UBE2O: variants seen among roughly 807,000 people sequenced by gnomAD.
The protein encoded by UBE2O is (E3-independent) E2 ubiquitin-conjugating enzyme.
In UBE2O, 15 loss-of-function variants were observed where a neutral mutation model predicts 125.8. The ratio of observed to expected loss-of-function variants is 0.12; its 90% confidence interval spans 0.08 to 0.18. The LOEUF is 0.18. Among genes scored for constraint, UBE2O ranks in the 10% least tolerant of loss-of-function variants. The probability of loss-of-function intolerance (pLI) is 1.00; values close to 1 mark genes in which losing one functional copy is unlikely to be tolerated. For missense variants in UBE2O, 1,280 were observed against 1,723.6 expected (o/e 0.74, Z 4.56); for synonymous variants, 708 against 703.2 (o/e 1.01, Z -0.11).
chr17:76,426,298 G>A (rs1392988381), intron 1 of UBE2O, among the ~76,000 whole-genome samples: 2 of 152,190 alleles, frequency 1.3e-5, no homozygotes, highest in East Asian at 3.8e-4. Flanking sequence ...ACCATGCCCA[G>A]CCAAAAGAAC....
intron 1 of UBE2O, among the ~76,000 whole-genome samples, chr17:76,448,909 G>A (rs1356009069): frequency 6.6e-6 from 1 of 152,256 alleles, no homozygotes; most frequent in African/African-American, 2.4e-5. Context: ...TGGCCAGATG[G>A]ACAGTTTCAA....
chr17:76,446,217 T>C (rs574495109), intron 1 of UBE2O, among the ~76,000 whole-genome samples: 151 of 152,294 alleles, frequency 9.9e-4, no homozygotes, highest in Non-Finnish European at 1.5e-3. Flanking sequence ...AAAACCCACA[T>C]GTCACAGAAA....
chr17:76,422,218 A>C (rs926751713), intron 1 of UBE2O, among the ~76,000 whole-genome samples: 4 of 152,176 alleles, frequency 2.6e-5, no homozygotes, highest in South Asian at 2.1e-4. Flanking sequence ...ACTCATTCAC[A>C]GCCTGAGTGG....
intron 1 of UBE2O, among the ~76,000 whole-genome samples, chr17:76,423,896 CTTTTTTT>C (rs746126675): frequency 2.3e-4 from 19 of 83,506 alleles, no homozygotes; most frequent in Admixed American, 1.1e-3. Context: ...AGGTTGGGTT[CTTTTTTT>C]TTTTTTTTTT....
intron 1 of UBE2O, among the ~76,000 whole-genome samples, chr17:76,437,207 T>C (rs1382539150): frequency 6.6e-6 from 1 of 150,580 alleles, no homozygotes; most frequent in East Asian, 1.9e-4. Context: ...TCCCAGCACT[T>C]TGGGAGGCCA....
In UBE2O at chr17:76,405,561, C is replaced by T; in HGVS notation, c.429G>A (p.Glu143=). 2 of 1,594,500 alleles carry T rather than the reference C, an allele frequency of 1.3e-6. No homozygotes were observed. The highest frequency in any genetic ancestry group is 1.7e-6 in the Non-Finnish European group (2 of 1,172,222). The part of the protein sequence containing the change: ...QHVKETKLKL[E]DRSVVPRDVV... Reference sequence around the variant, plus strand: ...CATCTCGGGGCACCACAGAACGGTCCTCTAGTTTCAGCTGTAAAAGAAAAT... The same window carrying T: ...CATCTCGGGGCACCACAGAACGGTCTTCTAGTTTCAGCTGTAAAAGAAAAT... Residue 143 remains glutamate, a synonymous_variant, in exon 2 of 18, where the codon GAG becomes GAA. Coordinates refer to ENST00000319380, the MANE Select transcript of UBE2O (RefSeq NM_022066.4). This position sits in a 1 kb window ranked among gnomAD's most constrained non-coding sequence, Gnocchi z 6.1.
At chr17:76,432,380 C>T (rs1344338986) in intron 1 of UBE2O, among the ~76,000 whole-genome samples, 1 of 152,106 alleles carries the variant, frequency 6.6e-6, no homozygotes, top group South Asian at 2.1e-4. Context: ...GTATGGTCTC[C>T]GCCTTAGAAA....
At chr17:76,441,938 G>T (rs2073080713) in intron 1 of UBE2O, among the ~76,000 whole-genome samples, 1 of 152,254 alleles carries the variant, frequency 6.6e-6, no homozygotes, top group South Asian at 2.1e-4. Flanking sequence ...CTGCGTTCCT[G>T]ATTCATTTGC....
chr17:76,432,281 T>C (rs1550767), intron 1 of UBE2O, among the ~76,000 whole-genome samples: 146,790 of 152,260 alleles, frequency 0.96, 71,030 homozygotes, highest in Middle Eastern at 1. Context: ...TATCAAAGTA[T>C]GTTCCTGTCA....
At chr17:76,418,818 G>T (rs532484520) in intron 1 of UBE2O, among the ~76,000 whole-genome samples, 1 of 152,076 alleles carries the variant, frequency 6.6e-6, no homozygotes, top group Non-Finnish European at 1.5e-5. Context: ...ATCCACCCGC[G>T]TCGGCCTCCC....
At chr17:76,418,631 G>A (rs1228637389) in intron 1 of UBE2O, among the ~76,000 whole-genome samples, 8 of 151,134 alleles carry the variant, frequency 5.3e-5, no homozygotes, top group South Asian at 2.1e-4. Flanking sequence ...GTGCAGTGGC[G>A]CGATCTCGGC....
chr17:76,394,362 TC>T (rs1230232760), intron 15 of UBE2O, among the ~76,000 whole-genome samples: 1 of 152,164 alleles, frequency 6.6e-6, no homozygotes, highest in African/African-American at 2.4e-5. Flanking sequence ...GCTTGCCTGT[TC>T]CGGAAGGATG....
At chr17:76,431,819 T>C (rs1000268942) in intron 1 of UBE2O, among the ~76,000 whole-genome samples, 26 of 152,126 alleles carry the variant, frequency 1.7e-4, no homozygotes, top group Non-Finnish European at 3.5e-4. Context: ...ACAGCTCCAT[T>C]AGAAACTCCC....
At position 76,391,710 on chromosome 17, in the gene UBE2O, C is replaced by T; in HGVS notation, c.3208+46G>A. On this transcript the variant is annotated intron_variant, in intron 17 of 17. Coordinates refer to ENST00000319380, the MANE Select transcript of UBE2O (RefSeq NM_022066.4). The surrounding 1 kb of genome is among the most constrained non-coding windows in gnomAD (Gnocchi z 8.4). ...GGGGGACTATCAGAGTCACTTTCCT[C>T]CACCGGCCCTCCCTTGTCCGCACCC... 1 of 1,610,830 alleles carries T rather than the reference C, an allele frequency of 6.2e-7. No individual in the cohort carries two copies. Among genetic ancestry groups the T allele is most frequent in the African/African-American group, 1.3e-5 (1 of 75,006 alleles).
At chr17:76,427,019 G>A (rs138988964) in intron 1 of UBE2O, among the ~76,000 whole-genome samples, 3 of 152,132 alleles carry the variant, frequency 2.0e-5, no homozygotes, top group African/African-American at 7.2e-5. Context: ...TTAGCACACT[G>A]AAGATTTTAC....
At chr17:76,450,154 G>A (rs1480278147) in intron 1 of UBE2O, among the ~76,000 whole-genome samples, 1 of 151,614 alleles carries the variant, frequency 6.6e-6, no homozygotes, top group Non-Finnish European at 1.5e-5. Context: ...AACTAGATTA[G>A]TCAATCTTGG....
chr17:76,402,027 A>G lies in UBE2O; in HGVS notation c.750+37T>C, dbSNP rs751819366. 1 of 1,608,080 alleles carries G rather than the reference A, an allele frequency of 6.2e-7. No homozygotes were observed. Among genetic ancestry groups the G allele is most frequent in the Non-Finnish European group, 8.5e-7 (1 of 1,177,088 alleles). On this transcript the variant is annotated intron_variant, in intron 5 of 17. Transcript: ENST00000319380. The surrounding 1 kb of genome is among the most constrained non-coding windows in gnomAD (Gnocchi z 5.4). ...AGTCCTCCTTCCAGAGGACTGAGCA[A>G]TCAGAGAAGGGTGCTGGCCTGGATG... is the stretch of plus-strand genomic sequence containing the variant.
In UBE2O at chr17:76,399,040, C is replaced by T. The variant is rs767084001; in HGVS notation, c.1629-49G>A. 2.2e-5 allele frequency: 35 copies of T among 1,597,544 alleles called. No homozygotes were observed. Among genetic ancestry groups the T allele is most frequent in the Non-Finnish European group, 2.8e-5 (33 of 1,173,002 alleles). The stretch of plus-strand genomic sequence containing the variant: ...GGCCATGCAAACCCCACCCCCTCCG[C>T]GGAAAGGGCAGAGAGTCTTTCTGTC... On this transcript the variant is annotated intron_variant, in intron 9 of 17. Coordinates refer to ENST00000319380, the MANE Select transcript of UBE2O (RefSeq NM_022066.4). The surrounding 1 kb of genome is among the most constrained non-coding windows in gnomAD (Gnocchi z 6.9).
Position 76,391,707 on chromosome 17 carries a change from C to A in UBE2O, c.3208+49G>T, listed in dbSNP as rs2072117453. Reference sequence around the variant, plus strand: ...CCAGGGGGACTATCAGAGTCACTTTCCTCCACCGGCCCTCCCTTGTCCGCA... The same window carrying A: ...CCAGGGGGACTATCAGAGTCACTTTACTCCACCGGCCCTCCCTTGTCCGCA... On this transcript the variant is annotated intron_variant, in intron 17 of 17. Coordinates refer to ENST00000319380, the MANE Select transcript of UBE2O (RefSeq NM_022066.4). This position sits in a 1 kb window ranked among gnomAD's most constrained non-coding sequence, Gnocchi z 8.4. The A allele has an allele frequency of 6.2e-7, 1 of 1,609,798 alleles. No homozygotes were observed. The highest frequency in any genetic ancestry group is 1.7e-5 in the Admixed American group (1 of 59,790).
Sources: allele counts gnomAD v4.1 joint callset (sites outside exome capture counted in the v4.1 genomes callset), GRCh38; gene constraint gnomAD v4.1.1; non-coding constraint Gnocchi (gnomAD v3.1); transcripts MANE v1.5; gene names NCBI Gene and HGNC (gene_info 2026-07-23, HGNC 2026-07-21).